The following FAF1 variants were observed in gnomAD, a reference collection of about 807,000 sequenced individuals.
The protein encoded by FAF1 is FAS-associated factor 1.
Under a neutral mutation model 92.5 loss-of-function variants are expected in FAF1, and 25 were observed. That is an observed-to-expected ratio of 0.27 (90% CI 0.20 to 0.38). The LOEUF (loss-of-function observed/expected upper bound fraction) is 0.38, where lower values mean the gene tolerates loss of function less well. Among genes scored for constraint, FAF1 ranks in the 10% least tolerant of loss-of-function variants. The probability of loss-of-function intolerance (pLI) is 1.00; values close to 1 mark genes in which losing one functional copy is unlikely to be tolerated. For missense variants in FAF1, 636 were observed against 793.3 expected (o/e 0.80, Z 2.38); for synonymous variants, 234 against 273.2 (o/e 0.86, Z 1.42).
At chr1:50,951,823 T>A (rs1247724639) in intron 1 of FAF1, among the ~76,000 whole-genome samples, 1 of 152,198 alleles carries the variant, frequency 6.6e-6, no homozygotes, top group African/African-American at 2.4e-5. Context: ...AGATATCTGT[T>A]TGGATCAATA....
At chr1:50,541,999 A>G (rs1648779393) in intron 13 of FAF1, among the ~76,000 whole-genome samples, 1 of 152,204 alleles carries the variant, frequency 6.6e-6, no homozygotes, top group Non-Finnish European at 1.5e-5. Context: ...CAAAGCACAC[A>G]GCCATTCAAT....
chr1:50,540,926 A>G (rs1179880970), intron 13 of FAF1, among the ~76,000 whole-genome samples: 1 of 152,212 alleles, frequency 6.6e-6, no homozygotes, highest in Non-Finnish European at 1.5e-5. Context: ...GGCAACTTAA[A>G]TCGTGTGTTT....
chr1:50,823,473 T>C (rs1349951909), intron 2 of FAF1, among the ~76,000 whole-genome samples: 4 of 152,170 alleles, frequency 2.6e-5, no homozygotes, highest in Admixed American at 2.0e-4. Context: ...CCTCATTAAA[T>C]AGCAATTCCA....
At chr1:50,526,923 C>T (rs1007157870) in intron 15 of FAF1, among the ~76,000 whole-genome samples, 8 of 151,306 alleles carry the variant, frequency 5.3e-5, no homozygotes, top group African/African-American at 1.5e-4. Flanking sequence ...GGCGTGATCT[C>T]GGCTCACTGC....
intron 12 of FAF1, among the ~76,000 whole-genome samples, chr1:50,577,670 G>A (rs981207326): frequency 1.3e-5 from 2 of 152,156 alleles, no homozygotes; most frequent in Non-Finnish European, 2.9e-5. Flanking sequence ...ATTAGACTGA[G>A]CAAAAGCAGG....
At chr1:50,544,840 T>G (rs1360029979) in intron 13 of FAF1, among the ~76,000 whole-genome samples, 1 of 152,088 alleles carries the variant, frequency 6.6e-6, no homozygotes, top group East Asian at 1.9e-4. Context: ...AAGGAGGAAA[T>G]GAAATATTTA....
intron 1 of FAF1, among the ~76,000 whole-genome samples, chr1:50,935,974 C>T (rs938453598): frequency 1.3e-5 from 2 of 152,198 alleles, no homozygotes; most frequent in African/African-American, 2.4e-5. Flanking sequence ...CCTCAGGGCA[C>T]TCAGACAGTG....
chr1:50,608,590 A>T (rs1176355944), intron 8 of FAF1, among the ~76,000 whole-genome samples: 1 of 152,178 alleles, frequency 6.6e-6, no homozygotes, highest in African/African-American at 2.4e-5. Flanking sequence ...CTGCTGTCCT[A>T]GGAGGGGAGG....
chr1:50,950,203 A>G (rs913182790), intron 1 of FAF1, among the ~76,000 whole-genome samples: 1 of 152,176 alleles, frequency 6.6e-6, no homozygotes. Flanking sequence ...TTCTCAAAGA[A>G]CCACAGCTAA....
At chr1:50,849,306 T>C (rs1644328982) in intron 2 of FAF1, among the ~76,000 whole-genome samples, 1 of 151,822 alleles carries the variant, frequency 6.6e-6, no homozygotes, top group African/African-American at 2.4e-5. Context: ...CCAGTAGCAC[T>C]ATGCCAATTG....
At chr1:50,600,763 T>C (rs1449932831) in intron 8 of FAF1, among the ~76,000 whole-genome samples, 1 of 152,200 alleles carries the variant, frequency 6.6e-6, no homozygotes. Flanking sequence ...AGTTGTCTTC[T>C]ATTAAGACAG....
At chr1:50,683,911 G>A (rs1445302390) in intron 7 of FAF1, among the ~76,000 whole-genome samples, 3 of 148,422 alleles carry the variant, frequency 2.0e-5, no homozygotes, top group Non-Finnish European at 4.4e-5. Flanking sequence ...CAGCCTGGGC[G>A]ACAAGGGCAA....
At chr1:50,490,560 A>C (rs929094568) in intron 17 of FAF1, 28 bp downstream of exon 17, 2 of 985,934 alleles carry the variant, frequency 2.0e-6, no homozygotes, top group African/African-American at 4.6e-5. Context: ...CCAGCTTTTG[A>C]ATAACTTTTC....
chr1:50,588,014 T>C (rs570677654), intron 9 of FAF1, among the ~76,000 whole-genome samples: 204 of 152,298 alleles, frequency 1.3e-3, no homozygotes, highest in African/African-American at 4.7e-3. Flanking sequence ...CAGCCAGGCA[T>C]GGTGGCTCAT....
intron 1 of FAF1, among the ~76,000 whole-genome samples, chr1:50,933,187 A>C (rs575792968): frequency 1.6e-4 from 24 of 152,352 alleles, no homozygotes; most frequent in African/African-American, 5.5e-4. Context: ...TCTGCAGCCA[A>C]CTTGAATTTC....
At chr1:50,700,055 G>T (rs1160037800) in intron 7 of FAF1, among the ~76,000 whole-genome samples, 1 of 151,900 alleles carries the variant, frequency 6.6e-6, no homozygotes, top group Non-Finnish European at 1.5e-5. Flanking sequence ...ACTCCAATTG[G>T]CTTTTCATAC....
chr1:50,687,514 C>A (rs1656721677), intron 7 of FAF1, among the ~76,000 whole-genome samples: 2 of 152,100 alleles, frequency 1.3e-5, no homozygotes, highest in African/African-American at 2.4e-5. Context: ...CTTTGGGAGA[C>A]TGAGGCAGGT....
At chr1:50,624,726 C>G (rs1431678690) in intron 8 of FAF1, among the ~76,000 whole-genome samples, 1 of 152,092 alleles carries the variant, frequency 6.6e-6, no homozygotes, top group African/African-American at 2.4e-5. Context: ...ACAGCATTAC[C>G]ATATCTCTAA....
chr1:50,911,386 C>T (rs1644884302), intron 1 of FAF1, among the ~76,000 whole-genome samples: 1 of 150,748 alleles, frequency 6.6e-6, no homozygotes, highest in Non-Finnish European at 1.5e-5. Flanking sequence ...TTATTATTAT[C>T]TTGTTTTCTT....
Sources: allele counts gnomAD v4.1 joint callset (sites outside exome capture counted in the v4.1 genomes callset), GRCh38; gene constraint gnomAD v4.1.1; transcripts MANE v1.5; gene names NCBI Gene and HGNC (gene_info 2026-07-23, HGNC 2026-07-21).